Variants in KLHL18 observed in about 807,000 individuals in gnomAD.
The protein encoded by KLHL18 is kelch-like protein 18.
Under a neutral mutation model 58.5 loss-of-function variants are expected in KLHL18, and 38 were observed. That is an observed-to-expected ratio of 0.65 (90% CI 0.50 to 0.85). The LOEUF is 0.85. KLHL18 is among the 40% of genes least tolerant of loss of function. The pLI, the probability that KLHL18 is intolerant of heterozygous loss-of-function variation, is 0.00. For missense variants in KLHL18, 624 were observed against 778.4 expected (o/e 0.80, Z 2.36); for synonymous variants, 303 against 301.9 (o/e 1.00, Z -0.04).
chr3:47,322,329 G>A (rs1033290059), intron 2 of KLHL18, among the ~76,000 whole-genome samples: 3 of 152,180 alleles, frequency 2.0e-5, no homozygotes, highest in Non-Finnish European at 2.9e-5. Flanking sequence ...AAAAATGACC[G>A]CTGTTGACTT....
intron 1 of KLHL18, among the ~76,000 whole-genome samples, chr3:47,290,765 C>T (rs763099711): frequency 2.7e-4 from 41 of 152,208 alleles, no homozygotes; most frequent in Non-Finnish European, 5.0e-4. Flanking sequence ...CCTGGCCCAG[C>T]CTTGTCTCTT....
At chr3:47,325,980 C>A (rs1475404623) in intron 3 of KLHL18, among the ~76,000 whole-genome samples, 1 of 151,874 alleles carries the variant, frequency 6.6e-6, no homozygotes, top group African/African-American at 2.4e-5. Flanking sequence ...CAGAGTCTTG[C>A]TCTGTCGCCC....
In KLHL18 at chr3:47,341,930, A is replaced by G. The variant is rs978356422; in HGVS notation, c.1227-789A>G. 5.3e-4 allele frequency among the ~76,000 whole-genome samples: 81 copies of G among 151,788 alleles called. 1 individual carries two copies. The highest frequency in any genetic ancestry group is 1.0e-3 in the Non-Finnish European group (71 of 67,884). On this transcript the variant is annotated intron_variant, in intron 8 of 9. Transcript: ENST00000232766. The stretch of plus-strand genomic sequence containing the variant: ...AAAAAAAAAAAAAGGAGAGAGAGAA[A>G]AAAACATTAGCCAGGCATGGTGGCA...
chr3:47,343,744 A>G lies in KLHL18; in HGVS notation c.1528A>G (p.Met510Val). The G allele has an allele frequency of 1.9e-6, 3 of 1,614,164 alleles. No individual in the cohort carries two copies. Among genetic ancestry groups the G allele is most frequent in the Non-Finnish European group, 2.5e-6 (3 of 1,180,028 alleles). The change falls in exon 10 of 10, where the codon ATG (methionine) becomes GTG (valine). Residue 510 changes from methionine to valine, a missense_variant. Met to Val is a conservative substitution (Grantham distance 21, BLOSUM62 1). Coordinates refer to ENST00000232766, the MANE Select transcript of KLHL18 (RefSeq NM_025010.5). ...AGACCAGTGGTGCCTGATTGTCCCC[A>G]TGCACACGCGCAGGAGCCGGGTCTC... The part of the protein sequence containing the change: ...VADQWCLIVP[M>V]HTRRSRVSLV...
At chr3:47,287,645 A>T (rs1172760722) in intron 1 of KLHL18, among the ~76,000 whole-genome samples, 2 of 151,870 alleles carry the variant, frequency 1.3e-5, no homozygotes, top group Admixed American at 1.3e-4. Context: ...ACCACCATGC[A>T]TGGCTAATTT....
chr3:47,300,287 TTATATATATA>T (rs1207306389), intron 1 of KLHL18, among the ~76,000 whole-genome samples: 2 of 133,126 alleles, frequency 1.5e-5, no homozygotes, highest in Non-Finnish European at 3.2e-5. Flanking sequence ...CACCGGCATT[TTATATATATA>T]TATATATATA....
intron 3 of KLHL18, among the ~76,000 whole-genome samples, chr3:47,329,203 G>T (rs1231644427): frequency 6.6e-6 from 1 of 150,400 alleles, no homozygotes; most frequent in Non-Finnish European, 1.5e-5. Flanking sequence ...TCCGTGTTGT[G>T]TTTTTTTTGT....
chr3:47,327,146 G>A (rs1399826835), intron 3 of KLHL18, among the ~76,000 whole-genome samples: 1 of 152,194 alleles, frequency 6.6e-6, no homozygotes, highest in Non-Finnish European at 1.5e-5. Context: ...GGCTGAGCCA[G>A]GAGAATCACT....
chr3:47,338,849 CTGG>C (rs2107661077), intron 7 of KLHL18: 1 of 152,270 alleles, frequency 6.6e-6, no homozygotes, highest in Admixed American at 6.5e-5. Context: ...AGCATTAAGC[CTGG>C]TATGTTTTAT....
intron 1 of KLHL18, among the ~76,000 whole-genome samples, chr3:47,294,314 G>T (rs1559486260): frequency 6.6e-6 from 1 of 152,210 alleles, no homozygotes; most frequent in Non-Finnish European, 1.5e-5. Context: ...ACTGTTCTAG[G>T]TGCTGAGGGT....
chr3:47,334,601 G>A lies in KLHL18; in HGVS notation c.762-82G>A. ...TCCCAGGTTTCCCCTGCAGTTGGCAGTGGAGAGCCAGGCTCAGAGATGCAA... is the reference window on the plus strand; with the variant it reads ...TCCCAGGTTTCCCCTGCAGTTGGCAATGGAGAGCCAGGCTCAGAGATGCAA... On this transcript the variant is annotated intron_variant, in intron 5 of 9. Coordinates refer to ENST00000232766, the MANE Select transcript of KLHL18 (RefSeq NM_025010.5). The surrounding 1 kb of genome is among the most constrained non-coding windows in gnomAD (Gnocchi z 4.7). The A allele has an allele frequency of 6.5e-7, 1 of 1,528,390 alleles. No individual in the cohort carries two copies. Among genetic ancestry groups the A allele is most frequent in the Non-Finnish European group, 9.0e-7 (1 of 1,113,060 alleles). 94.7% of individuals were successfully genotyped at this position (1,528,390 alleles called of 1,614,324 possible).
chr3:47,300,988 ATCT>A (rs1472627670), intron 1 of KLHL18, among the ~76,000 whole-genome samples: 7 of 152,052 alleles, frequency 4.6e-5, no homozygotes, highest in South Asian at 2.1e-4. Flanking sequence ...GATGTTGGAC[ATCT>A]TCTTATGTGT....
At position 47,346,510 on chromosome 3, in the gene KLHL18, A is replaced by G. The variant is rs1023307556; in HGVS notation, c.*2569A>G. 2 of 152,624 alleles carry G rather than the reference A, an allele frequency of 1.3e-5. No individual in the cohort carries two copies. Among genetic ancestry groups the G allele is most frequent in the African/African-American group, 4.8e-5 (2 of 41,476 alleles). The allele number at this position is 152,624 out of a possible 1,614,324, so 9.5% of individuals were successfully genotyped here. ...AAGGATATTGTAAAAAGGATGTAAC[A>G]AGGAGATAGGGTAGACATTGTACTC... On this transcript the variant is annotated 3_prime_UTR_variant, in exon 10 of 10. Coordinates refer to ENST00000232766, the MANE Select transcript of KLHL18 (RefSeq NM_025010.5).
At chr3:47,297,646 C>G (rs776607924) in intron 1 of KLHL18, 1 of 456,410 alleles carries the variant, frequency 2.2e-6, no homozygotes. Flanking sequence ...AGTCCTGAGC[C>G]AGAAGGTCAA....
At chr3:47,285,155 C>T (rs1458927459) in intron 1 of KLHL18, among the ~76,000 whole-genome samples, 1 of 152,110 alleles carries the variant, frequency 6.6e-6, no homozygotes, top group Non-Finnish European at 1.5e-5. Flanking sequence ...GTTGTTTTTC[C>T]AGGAGAGGAG....
At chr3:47,332,248 A>G (rs1464741072) in intron 4 of KLHL18, among the ~76,000 whole-genome samples, 2 of 152,010 alleles carry the variant, frequency 1.3e-5, no homozygotes, top group Non-Finnish European at 2.9e-5. Flanking sequence ...AATCCCAGCT[A>G]CTTGGGCTGA....
intron 4 of KLHL18, among the ~76,000 whole-genome samples, chr3:47,331,463 C>CA (rs200311699): frequency 0.043 from 4,788 of 110,484 alleles, 363 homozygotes; most frequent in African/African-American, 0.16. Context: ...GACAGAGTCT[C>CA]ACTCTGTCAC....
chr3:47,292,949 T>C (rs1205674737), intron 1 of KLHL18, among the ~76,000 whole-genome samples: 1 of 150,124 alleles, frequency 6.7e-6, no homozygotes, highest in African/African-American at 2.4e-5. Context: ...GAAATATTAC[T>C]CAGCCTTTAA....
At chr3:47,308,923 C>G (rs916622816) in intron 1 of KLHL18, among the ~76,000 whole-genome samples, 1 of 152,164 alleles carries the variant, frequency 6.6e-6, no homozygotes, top group Admixed American at 6.5e-5. Context: ...TGGGGCCTTC[C>G]GCAGTGTTTG....
Sources: gnomAD v4.1 joint callset for allele counts (sites outside exome capture counted in the v4.1 genomes callset) on GRCh38, gnomAD v4.1.1 for gene constraint, Gnocchi (gnomAD v3.1) non-coding constraint, MANE v1.5 for transcripts, NCBI Gene and HGNC (gene_info 2026-07-23, HGNC 2026-07-21) for gene names.